The following CTNNA2 variants were observed in gnomAD, a reference collection of about 807,000 sequenced individuals.
CTNNA2 encodes the protein catenin alpha 2, also known as catenin alpha-2.
A neutral mutation model predicts 101.0 loss-of-function variants in CTNNA2; 42 were observed. The ratio of observed to expected loss-of-function variants is 0.42; its 90% CI spans 0.32 to 0.54. CTNNA2 has a LOEUF of 0.54. Among genes scored for constraint, CTNNA2 ranks in the 20% least tolerant of loss-of-function variants. The pLI is 0.14. For synonymous variants in CTNNA2, 450 were observed against 456.4 expected (o/e 0.99, Z 0.18); for missense variants, 871 against 1,223.1 (o/e 0.71, Z 4.29).
At chr2:80,493,798 A>T (rs916785830) in intron 9 of CTNNA2, among the ~76,000 whole-genome samples, 1 of 152,216 alleles carries the variant, frequency 6.6e-6, no homozygotes, top group Non-Finnish European at 1.5e-5. Context: ...CTGCTGAAAG[A>T]ATAGGCTGAT....
At chr2:79,294,682 C>T (rs1675932268) in intron 2 of CTNNA2, among the ~76,000 whole-genome samples, 1 of 152,106 alleles carries the variant, frequency 6.6e-6, no homozygotes, top group Non-Finnish European at 1.5e-5. Flanking sequence ...TTGAATTTTG[C>T]ATAATATTTC....
At chr2:80,246,868 G>A (rs1421763915) in intron 7 of CTNNA2, among the ~76,000 whole-genome samples, 1 of 152,186 alleles carries the variant, frequency 6.6e-6, no homozygotes, top group Non-Finnish European at 1.5e-5. Context: ...CTGAGACCCT[G>A]AGACACTAGA....
intron 2 of CTNNA2, among the ~76,000 whole-genome samples, chr2:79,706,754 A>G (rs1179501175): frequency 6.6e-6 from 1 of 152,176 alleles, no homozygotes; most frequent in Non-Finnish European, 1.5e-5. Context: ...CACCCAGGTC[A>G]TAGATGCCTA....
Position 80,647,977 on chromosome 2 carries a change from T to A in CTNNA2, c.*105T>A. On this transcript the variant is annotated 3_prime_UTR_variant, in exon 19 of 19. Coordinates refer to ENST00000402739, the MANE Select transcript of CTNNA2 (RefSeq NM_001282597.3). ...CCTGCCAGCTCGTATGCCTCTGGCA[T>A]GGGGAAATTAAGGGAACAGTGTCTG... 9.1e-7 allele frequency: 1 copy of A among 1,098,044 alleles called. No homozygotes were observed. The highest frequency in any genetic ancestry group is 1.3e-6 in the Non-Finnish European group (1 of 777,344). The allele number at this position is 1,098,044 out of a possible 1,614,324, so 68.0% of individuals were successfully genotyped here.
At chr2:80,240,327 A>G (rs999265418) in intron 7 of CTNNA2, among the ~76,000 whole-genome samples, 2 of 152,228 alleles carry the variant, frequency 1.3e-5, no homozygotes. Flanking sequence ...ACTTGAACTC[A>G]ACCCAGATTT....
At chr2:80,559,878 T>TATATCTATATCTATATCTA (rs1693393440) in intron 12 of CTNNA2, among the ~76,000 whole-genome samples, 1 of 113,936 alleles carries the variant, frequency 8.8e-6, no homozygotes, top group Non-Finnish European at 2.1e-5. Context: ...GATATCATAT[T>TATATCTATATCTATATCTA]TATATATATA....
intron 9 of CTNNA2, among the ~76,000 whole-genome samples, chr2:80,463,425 G>C (rs115119905): frequency 0.011 from 1,669 of 152,278 alleles, 28 homozygotes; most frequent in African/African-American, 0.038. Flanking sequence ...GGTAGGGATT[G>C]CAGATCCTTA....
intron 4 of CTNNA2, among the ~76,000 whole-genome samples, chr2:79,386,980 A>C (rs1202434386): frequency 1.3e-5 from 2 of 152,224 alleles, no homozygotes; most frequent in Non-Finnish European, 2.9e-5. Flanking sequence ...ACTTTGAGAA[A>C]TATTGGTCTA....
intron 3 of CTNNA2, among the ~76,000 whole-genome samples, chr2:79,348,186 T>C (rs1242550200): frequency 1.3e-5 from 2 of 152,186 alleles, no homozygotes; most frequent in Admixed American, 1.3e-4. Context: ...ACTCTATCAA[T>C]TGATGTTTCA....
intron 7 of CTNNA2, among the ~76,000 whole-genome samples, chr2:79,940,818 T>G (rs1187411779): frequency 6.6e-6 from 1 of 152,322 alleles, no homozygotes; most frequent in South Asian, 2.1e-4. Flanking sequence ...AAATGTTAAA[T>G]ATCTCATGTA....
intron 9 of CTNNA2, among the ~76,000 whole-genome samples, chr2:80,504,892 A>T (rs894652152): frequency 6.6e-6 from 1 of 152,154 alleles, no homozygotes; most frequent in African/African-American, 2.4e-5. Context: ...GTCAGGAAAG[A>T]TATTTTCCCT....
chr2:80,559,678 T>C lies in CTNNA2; in HGVS notation c.1741+3785T>C, dbSNP rs557294667. ...TCTAGGCTGATGAAAACACAATAAATTGGATCTACAGCAGACCCATTAAAT... is the reference window on the plus strand; with the variant it reads ...TCTAGGCTGATGAAAACACAATAAACTGGATCTACAGCAGACCCATTAAAT... On this transcript the variant is annotated intron_variant, in intron 12 of 18. Transcript: ENST00000402739. Among the ~76,000 whole-genome samples, 12 of 152,246 alleles carry C rather than the reference T, an allele frequency of 7.9e-5. No homozygotes were observed. In the South Asian group the frequency reaches 1.9e-3, roughly 24 times the overall value.
chr2:80,086,661 A>C (rs191594511), intron 7 of CTNNA2, among the ~76,000 whole-genome samples: 4 of 152,194 alleles, frequency 2.6e-5, no homozygotes, highest in Non-Finnish European at 4.4e-5. Flanking sequence ...AATTAGCCCT[A>C]GCTAACTTAG....
intron 18 of CTNNA2, among the ~76,000 whole-genome samples, chr2:80,626,994 G>C (rs569166079): frequency 3.9e-5 from 6 of 152,174 alleles, no homozygotes; most frequent in African/African-American, 1.4e-4. Flanking sequence ...TTAGTTTGCT[G>C]AGAATGATGG....
At chr2:79,204,508 T>C (rs528895216) in intron 2 of CTNNA2, among the ~76,000 whole-genome samples, 1 of 152,330 alleles carries the variant, frequency 6.6e-6, no homozygotes, top group East Asian at 1.9e-4. Context: ...CTGTAAAATC[T>C]CATTAAAGAA....
At chr2:79,743,917 C>A (rs13408023) in intron 2 of CTNNA2, among the ~76,000 whole-genome samples, 8 of 152,006 alleles carry the variant, frequency 5.3e-5, no homozygotes, top group African/African-American at 1.9e-4. Flanking sequence ...ACATAAGTAC[C>A]GGGTGTTGGC....
chr2:80,559,676 A>C (rs2149669574), intron 12 of CTNNA2, among the ~76,000 whole-genome samples: 1 of 152,172 alleles, frequency 6.6e-6, no homozygotes, highest in Non-Finnish European at 1.5e-5. Flanking sequence ...AAACACAATA[A>C]ATTGGATCTA....
chr2:80,286,747 C>T (rs762325561), intron 7 of CTNNA2, among the ~76,000 whole-genome samples: 6 of 152,128 alleles, frequency 3.9e-5, no homozygotes, highest in Non-Finnish European at 5.9e-5. Context: ...TTGAGGAAAC[C>T]GTTTCCTTTT....
At chr2:79,605,951 A>C (rs1056477569) in intron 1 of CTNNA2, among the ~76,000 whole-genome samples, 1 of 152,112 alleles carries the variant, frequency 6.6e-6, no homozygotes, top group African/African-American at 2.4e-5. Flanking sequence ...AAAATAAAAT[A>C]ATACAAGAGA....
Sources: allele counts gnomAD v4.1 joint callset (sites outside exome capture counted in the v4.1 genomes callset), GRCh38; gene constraint gnomAD v4.1.1; transcripts MANE v1.5; gene names NCBI Gene and HGNC (gene_info 2026-07-23, HGNC 2026-07-21).